DPRX: variants seen among roughly 807,000 people sequenced by gnomAD.
DPRX encodes divergent-paired related homeobox.
Under a neutral mutation model 8.4 loss-of-function variants are expected in DPRX, and 11 were observed. The observed-to-expected ratio is 1.31, with a 90% confidence interval of 0.82 to 2.17. The LOEUF is 2.17. Ranked by LOEUF, DPRX falls within the 30% of genes most tolerant of loss-of-function variation. The pLI, the probability that DPRX is intolerant of heterozygous loss-of-function variation, is 0.00. For missense variants in DPRX, 211 were observed against 236.7 expected (o/e 0.89, Z 0.71); for synonymous variants, 72 against 87.0 (o/e 0.83, Z 0.96).
the DPRX span, among the ~76,000 whole-genome samples, chr19:53,617,513 G>A: frequency 1.4e-5 from 2 of 140,994 alleles, no homozygotes; most frequent in Non-Finnish European, 3.0e-5. Context: ...AGCCGAGATC[G>A]CACCATTGCA....
At chr19:53,602,256 ATATGGG>A in the DPRX span, 1 of 393,954 alleles carries the variant, frequency 2.5e-6, no homozygotes, top group South Asian at 1.9e-5. Context: ...CAAACCATAT[ATATGGG>A]TATGGGTGTG....
At chr19:53,623,957 T>A in the DPRX span, among the ~76,000 whole-genome samples, 4 of 109,176 alleles carry the variant, frequency 3.7e-5, no homozygotes, top group Admixed American at 8.4e-5. Flanking sequence ...TCTCAAAAAA[T>A]AAATAAATAA....
At chr19:53,624,010 C>G in the DPRX span, among the ~76,000 whole-genome samples, 1 of 148,222 alleles carries the variant, frequency 6.7e-6, no homozygotes, top group Non-Finnish European at 1.5e-5. Flanking sequence ...GATGGCAGCT[C>G]TTTCTGTATA....
At chr19:53,616,371 G>C in the DPRX span, among the ~76,000 whole-genome samples, 2 of 152,152 alleles carry the variant, frequency 1.3e-5, no homozygotes, top group African/African-American at 2.4e-5. Context: ...CAACCCACTA[G>C]AATTAATCTT....
chr19:53,632,129 G>C, exon 1 of DPRX: 2 of 1,613,894 alleles, frequency 1.2e-6, no homozygotes, highest in Non-Finnish European at 8.5e-7. Context: ...GAGGATCTTC[G>C]TAAAGGTAAG....
chr19:53,621,510 T>TA, the DPRX span, among the ~76,000 whole-genome samples: 2 of 152,126 alleles, frequency 1.3e-5, no homozygotes, highest in Non-Finnish European at 2.9e-5. Flanking sequence ...AAATTTTCAA[T>TA]ACAGGCCAGG....
At chr19:53,629,117 C>T (rs980631859), upstream of DPRX, among the ~76,000 whole-genome samples, 8 of 151,282 alleles carry the variant, frequency 5.3e-5, no homozygotes, top group African/African-American at 1.2e-4. Context: ...AGTTTGAGAC[C>T]AGCCTGGCCA....
exon 3 of DPRX, chr19:53,636,669 C>T (rs763473546): frequency 6.2e-7 from 1 of 1,613,992 alleles, no homozygotes; most frequent in Non-Finnish European, 8.5e-7. Flanking sequence ...CAAGAAACTC[C>T]ACAACCGCCA....
At chr19:53,633,716 G>C (rs1044236053) in intron 1 of DPRX, among the ~76,000 whole-genome samples, 1 of 152,072 alleles carries the variant, frequency 6.6e-6, no homozygotes, top group Non-Finnish European at 1.5e-5. Flanking sequence ...CACCATGTTA[G>C]CCAGAATGGT....
chr19:53,632,963 G>C (rs960084494), intron 1 of DPRX, among the ~76,000 whole-genome samples: 1 of 152,064 alleles, frequency 6.6e-6, no homozygotes, highest in Non-Finnish European at 1.5e-5. Context: ...CTAGACTCTG[G>C]AGCTGCTGCC....
At chr19:53,601,913 C>T in the DPRX span, 1 of 403,818 alleles carries the variant, frequency 2.5e-6, no homozygotes, top group Non-Finnish European at 4.9e-6. Flanking sequence ...CCTTTTTACC[C>T]CTGGTCCCGT....
the DPRX span, chr19:53,602,180 G>T: frequency 1.8e-5 from 8 of 454,226 alleles, no homozygotes; most frequent in Non-Finnish European, 3.5e-5. Context: ...AAGGGTCAAG[G>T]TTGGGGAGAA....
the DPRX span, among the ~76,000 whole-genome samples, chr19:53,624,601 G>A: frequency 6.6e-6 from 1 of 151,588 alleles, no homozygotes; most frequent in South Asian, 2.1e-4. Flanking sequence ...TTTTAGTAGA[G>A]ATGGGGTTTC....
chr19:53,611,656 A>C, the DPRX span, among the ~76,000 whole-genome samples: 1 of 152,222 alleles, frequency 6.6e-6, no homozygotes, highest in Admixed American at 6.6e-5. Context: ...GAAGAATAAC[A>C]CGAACACACT....
upstream of DPRX, among the ~76,000 whole-genome samples, chr19:53,630,205 T>C (rs1156231350): frequency 2.9e-5 from 4 of 137,436 alleles, no homozygotes; most frequent in African/African-American, 1.1e-4. Context: ...AGAGTGAGAC[T>C]CCATCTCAAA....
exon 2 of DPRX, chr19:53,634,595 G>T: frequency 6.2e-7 from 1 of 1,614,002 alleles, no homozygotes; most frequent in South Asian, 1.1e-5. Flanking sequence ...TGGAAGATCT[G>T]AACATCTTGT....
the DPRX span, among the ~76,000 whole-genome samples, chr19:53,605,135 C>A: frequency 6.6e-6 from 1 of 152,148 alleles, no homozygotes; most frequent in East Asian, 1.9e-4. Flanking sequence ...GCAACACAGA[C>A]CCCCGCCTCT....
intron 1 of DPRX, among the ~76,000 whole-genome samples, chr19:53,633,997 T>G (rs1320870306): frequency 6.6e-6 from 1 of 152,024 alleles, no homozygotes; most frequent in Non-Finnish European, 1.5e-5. Flanking sequence ...AGGAACAACC[T>G]TTTCCTATGA....
chr19:53,618,077 G>A, the DPRX span, among the ~76,000 whole-genome samples: 477 of 151,704 alleles, frequency 3.1e-3, 5 homozygotes, highest in African/African-American at 0.01. Flanking sequence ...GGGAGGCGGA[G>A]GCTGCAGTGA....
Sources: gnomAD v4.1 joint callset for allele counts (sites outside exome capture counted in the v4.1 genomes callset) on GRCh38, gnomAD v4.1.1 for gene constraint, MANE v1.5 for transcripts, NCBI Gene and HGNC (gene_info 2026-07-23, HGNC 2026-07-21) for gene names.